GFOD1: variants seen among roughly 807,000 people sequenced by gnomAD.
GFOD1 encodes the protein glucose-fructose oxidoreductase domain-containing protein 1.
A neutral mutation model predicts 25.4 loss-of-function variants in GFOD1; 9 were observed. That is an observed-to-expected ratio of 0.35 (90% CI 0.21 to 0.62). The LOEUF (loss-of-function observed/expected upper bound fraction) is 0.62. Among genes scored for constraint, GFOD1 ranks in the 20% least tolerant of loss-of-function variants. The pLI is 0.72. For missense variants in GFOD1, 403 were observed against 556.9 expected (o/e 0.72, Z 2.78); for synonymous variants, 253 against 245.6 (o/e 1.03, Z -0.28).
At chr6:13,432,197 T>G (rs897556354) in intron 1 of GFOD1, among the ~76,000 whole-genome samples, 1 of 152,052 alleles carries the variant, frequency 6.6e-6, no homozygotes, top group Non-Finnish European at 1.5e-5. Flanking sequence ...TCACCAGATT[T>G]CTTCCTGGTT....
intron 1 of GFOD1, among the ~76,000 whole-genome samples, chr6:13,471,789 T>G (rs751755327): frequency 6.6e-6 from 1 of 152,200 alleles, no homozygotes; most frequent in Non-Finnish European, 1.5e-5. Context: ...TGCTGTCCAG[T>G]AGAACTTTCT....
rs1463086608 is a variant in GFOD1 at position 13,478,043 on chromosome 6, A to G, written c.253+8595T>C. 3.3e-5 allele frequency among the ~76,000 whole-genome samples: 5 copies of G among 150,598 alleles called. No homozygotes were observed. The East Asian group carries it at 9.8e-4, about 30-fold the overall frequency. On this transcript the variant is annotated intron_variant, in intron 1 of 1. Coordinates refer to ENST00000379287, the MANE Select transcript of GFOD1 (RefSeq NM_018988.4). Reference sequence around the variant, plus strand: ...CATGCCACTGCACTCCAGCCTGGACAACAGAGTGAGAATCTATCTCAAAAA... The same window carrying G: ...CATGCCACTGCACTCCAGCCTGGACGACAGAGTGAGAATCTATCTCAAAAA...
chr6:13,418,504 T>G (rs1786199168), intron 1 of GFOD1, among the ~76,000 whole-genome samples: 1 of 152,206 alleles, frequency 6.6e-6, no homozygotes, highest in South Asian at 2.1e-4. Context: ...TTTAATGGAA[T>G]GAATCAAGTT....
chr6:13,398,180 G>C (rs1294213224), intron 1 of GFOD1, among the ~76,000 whole-genome samples: 1 of 152,202 alleles, frequency 6.6e-6, no homozygotes, highest in Non-Finnish European at 1.5e-5. Flanking sequence ...CTTCAAAATG[G>C]AAATGAGAAC....
rs939807387 is a variant in GFOD1 at position 13,486,849 on chromosome 6, G to A, written c.42C>T (p.Ala14=). 1 of 1,613,044 alleles carries A rather than the reference G, an allele frequency of 6.2e-7. No individual in the cohort carries two copies. Among genetic ancestry groups the A allele is most frequent in the Non-Finnish European group, 8.5e-7 (1 of 1,179,988 alleles). The change falls in exon 1 of 2, where the codon GCC becomes GCT. Residue 14 remains alanine (A), a synonymous_variant. Transcript: ENST00000379287. ...GVGVFGTSLT[A]RVIIPLLKDE... Reference sequence around the variant, plus strand: ...CTTTCAGCAGCGGGATGATGACACGGGCCGTGAGGCTGGTGCCGAACACGC... The same window carrying A: ...CTTTCAGCAGCGGGATGATGACACGAGCCGTGAGGCTGGTGCCGAACACGC...
intron 1 of GFOD1, among the ~76,000 whole-genome samples, chr6:13,406,712 G>A (rs1785954058): frequency 6.6e-6 from 1 of 152,100 alleles, no homozygotes. Flanking sequence ...GCTGAAACTG[G>A]GGTTTAAGAA....
At chr6:13,444,007 C>T (rs1031687651) in intron 1 of GFOD1, among the ~76,000 whole-genome samples, 4 of 152,066 alleles carry the variant, frequency 2.6e-5, no homozygotes, top group Admixed American at 6.6e-5. Context: ...AATCCCACTA[C>T]GGGTATACCC....
At chr6:13,398,084 G>A (rs928445327) in intron 1 of GFOD1, among the ~76,000 whole-genome samples, 4 of 152,170 alleles carry the variant, frequency 2.6e-5, no homozygotes, top group Non-Finnish European at 4.4e-5. Context: ...CTGCCAGCAC[G>A]AGCTGTTTCA....
intron 1 of GFOD1, among the ~76,000 whole-genome samples, chr6:13,426,127 C>T (rs1786347651): frequency 6.6e-6 from 1 of 152,204 alleles, no homozygotes; most frequent in Non-Finnish European, 1.5e-5. Context: ...TATCACAGAG[C>T]TTTCTAGGCA....
chr6:13,446,856 T>A (rs963245227), intron 1 of GFOD1, among the ~76,000 whole-genome samples: 9 of 152,180 alleles, frequency 5.9e-5, no homozygotes, highest in African/African-American at 2.2e-4. Context: ...AGCAACAACA[T>A]CCTTCATCCC....
chr6:13,394,265 C>T (rs1467873318), intron 1 of GFOD1, among the ~76,000 whole-genome samples: 1 of 151,850 alleles, frequency 6.6e-6, no homozygotes, highest in Non-Finnish European at 1.5e-5. Flanking sequence ...TAGACAAAAA[C>T]AGGCAAGATG....
intron 1 of GFOD1, among the ~76,000 whole-genome samples, chr6:13,406,141 C>T (rs1785940727): frequency 6.6e-6 from 1 of 152,132 alleles, no homozygotes; most frequent in African/African-American, 2.4e-5. Context: ...GTGGAAAGAA[C>T]CCACAAATGT....
intron 1 of GFOD1, among the ~76,000 whole-genome samples, chr6:13,438,228 C>T (rs1757863572): frequency 6.6e-6 from 1 of 152,194 alleles, no homozygotes; most frequent in Non-Finnish European, 1.5e-5. Flanking sequence ...TGAATACCCC[C>T]AGTGCACAGT....
In GFOD1 at chr6:13,409,088, GGAAAGAAAGAAAGAAA is replaced by G. The variant is rs879779509; in HGVS notation, c.254-43442_254-43427del. On this transcript the variant is annotated intron_variant, in intron 1 of 1. Transcript: ENST00000379287. ...TGACAGAGTGAGACTCCATCAGAAAGGAAAGAAAGAAAGAAAGAAAGAAAGAAAGAAAGAAAGAAAG... is the reference window on the plus strand; with the variant it reads ...TGACAGAGTGAGACTCCATCAGAAAGGAAAGAAAGAAAGAAAGAAAGAAAG... 3.5e-3 allele frequency among the ~76,000 whole-genome samples: 128 copies of G among 36,714 alleles called. 7 individuals carry two copies. The highest frequency in any genetic ancestry group is 0.011 in the African/African-American group (110 of 10,140). 24.1% of individuals were successfully genotyped at this position (36,714 alleles called of 152,430 possible).
At chr6:13,383,012 T>G (rs550332045) in intron 1 of GFOD1, among the ~76,000 whole-genome samples, 16 of 152,252 alleles carry the variant, frequency 1.1e-4, no homozygotes, top group Non-Finnish European at 1.9e-4. Context: ...TTCCTTTTTA[T>G]GGCTACATAG....
At chr6:13,418,318 C>T (rs1786196042) in intron 1 of GFOD1, among the ~76,000 whole-genome samples, 1 of 152,150 alleles carries the variant, frequency 6.6e-6, no homozygotes, top group Non-Finnish European at 1.5e-5. Context: ...GGGAATTGTC[C>T]CATTCTCATT....
At chr6:13,386,715 A>T (rs572807848) in intron 1 of GFOD1, among the ~76,000 whole-genome samples, 1 of 152,154 alleles carries the variant, frequency 6.6e-6, no homozygotes, top group Non-Finnish European at 1.5e-5. Flanking sequence ...TGGCAGGTGT[A>T]GACTTCATGT....
chr6:13,423,889 G>A (rs980528772), intron 1 of GFOD1, among the ~76,000 whole-genome samples: 7 of 152,068 alleles, frequency 4.6e-5, no homozygotes, highest in African/African-American at 9.7e-5. Context: ...ACACGGCTTT[G>A]CTCTTGCTGC....
intron 1 of GFOD1, among the ~76,000 whole-genome samples, chr6:13,378,152 G>A (rs1240724141): frequency 6.6e-6 from 1 of 152,190 alleles, no homozygotes; most frequent in Non-Finnish European, 1.5e-5. Flanking sequence ...AGAAAATGGG[G>A]AACTAAGGCT....
Sources: allele counts gnomAD v4.1 joint callset (sites outside exome capture counted in the v4.1 genomes callset), GRCh38; gene constraint gnomAD v4.1.1; transcripts MANE v1.5; gene names NCBI Gene and HGNC (gene_info 2026-07-23, HGNC 2026-07-21).